BRINP3: variants seen among roughly 807,000 people sequenced by gnomAD.
The protein encoded by BRINP3 is BMP/retinoic acid inducible neural specific 3.
Under a neutral mutation model 71.0 loss-of-function variants are expected in BRINP3, and 19 were observed. That is an observed-to-expected ratio of 0.27 (90% CI 0.19 to 0.39). The LOEUF (loss-of-function observed/expected upper bound fraction) is 0.39. Among genes scored for constraint, BRINP3 ranks in the 10% least tolerant of loss-of-function variants. The pLI is 1.00. For synonymous variants in BRINP3, 380 were observed against 337.7 expected, an observed-to-expected ratio of 1.13 and a Z score of -1.37; for missense variants, 959 against 940.8, an observed-to-expected ratio of 1.02 and a Z score of -0.25.
At chr1:190,397,693 T>C (rs1571947589) in intron 2 of BRINP3, among the ~76,000 whole-genome samples, 1 of 152,148 alleles carries the variant, frequency 6.6e-6, no homozygotes, top group South Asian at 2.1e-4. Context: ...AATATCCTTT[T>C]GGAGTTTGAA....
chr1:190,253,142 G>A (rs1380503006), intron 4 of BRINP3, among the ~76,000 whole-genome samples: 3 of 152,114 alleles, frequency 2.0e-5, no homozygotes, highest in African/African-American at 7.2e-5. Context: ...ATTCCATGGT[G>A]TATATGTGCC....
chr1:190,285,937 A>C (rs1340450810), intron 2 of BRINP3, among the ~76,000 whole-genome samples: 1 of 152,146 alleles, frequency 6.6e-6, no homozygotes, highest in Non-Finnish European at 1.5e-5. Flanking sequence ...TGTTGTATCT[A>C]ACTAAGTGTT....
At chr1:190,266,458 G>A (rs1456780307) in intron 3 of BRINP3, among the ~76,000 whole-genome samples, 2 of 152,022 alleles carry the variant, frequency 1.3e-5, no homozygotes, top group African/African-American at 4.8e-5. Context: ...ATCAGTTAGA[G>A]GAAGGAGAAT....
At chr1:190,393,237 A>T (rs1671362976) in intron 2 of BRINP3, among the ~76,000 whole-genome samples, 1 of 151,670 alleles carries the variant, frequency 6.6e-6, no homozygotes. Flanking sequence ...TCATGTACAT[A>T]GTGTCAGACA....
rs191817031 is a variant in BRINP3 at position 190,186,091 on chromosome 1, A to T, written c.962-25201T>A. On this transcript the variant is annotated intron_variant, in intron 6 of 7. Coordinates refer to ENST00000367462, the MANE Select transcript of BRINP3 (RefSeq NM_199051.3). The stretch of plus-strand genomic sequence containing the variant: ...ATATATATATTTTTTAAATTAAAGT[A>T]AAGGCTGGTCACGGTGGCTGAAGCC... Among the ~76,000 whole-genome samples the T allele has an allele frequency of 3.3e-5, 5 of 152,244 alleles. No homozygotes were observed. The East Asian group carries it at 9.7e-4, about 29-fold the overall frequency.
At chr1:190,258,130 G>A (rs965793130) in intron 4 of BRINP3, among the ~76,000 whole-genome samples, 2 of 152,224 alleles carry the variant, frequency 1.3e-5, no homozygotes, top group Non-Finnish European at 2.9e-5. Context: ...TGAACTGTGG[G>A]GGGCTCTGCC....
intron 6 of BRINP3, among the ~76,000 whole-genome samples, chr1:190,176,338 A>T (rs1001851273): frequency 2.0e-5 from 3 of 152,150 alleles, no homozygotes; most frequent in African/African-American, 7.2e-5. Context: ...CTGCAAGTTG[A>T]TTAGAATACA....
chr1:190,291,333 C>T (rs147423348), intron 2 of BRINP3, among the ~76,000 whole-genome samples: 2 of 152,022 alleles, frequency 1.3e-5, no homozygotes, highest in East Asian at 1.9e-4. Flanking sequence ...TATATAGATG[C>T]ATTGGATTAC....
At chr1:190,200,765 T>C (rs1289642287) in intron 6 of BRINP3, among the ~76,000 whole-genome samples, 3 of 152,098 alleles carry the variant, frequency 2.0e-5, no homozygotes, top group Non-Finnish European at 4.4e-5. Context: ...TCATGAGATA[T>C]CATGGTTATA....
intron 6 of BRINP3, among the ~76,000 whole-genome samples, chr1:190,221,890 C>A (rs114655837): frequency 6.6e-6 from 1 of 152,034 alleles, no homozygotes; most frequent in Non-Finnish European, 1.5e-5. Context: ...TTATGCCCAA[C>A]AACAGAGTTT....
At chr1:190,235,296 G>T (rs1449389535) in intron 4 of BRINP3, among the ~76,000 whole-genome samples, 1 of 151,978 alleles carries the variant, frequency 6.6e-6, no homozygotes, top group Non-Finnish European at 1.5e-5. Context: ...GATAGTATTA[G>T]GAGATGAGGA....
At chr1:190,404,600 A>C (rs1278963832) in intron 2 of BRINP3, among the ~76,000 whole-genome samples, 1 of 152,156 alleles carries the variant, frequency 6.6e-6, no homozygotes, top group African/African-American at 2.4e-5. Context: ...TCATTACCTT[A>C]CATTTGCAAA....
At chr1:190,413,047 G>A (rs889198250) in intron 2 of BRINP3, among the ~76,000 whole-genome samples, 4 of 152,144 alleles carry the variant, frequency 2.6e-5, no homozygotes, top group Non-Finnish European at 5.9e-5. Flanking sequence ...ACCGCTGAAT[G>A]TGCAGTAATA....
At chr1:190,175,471 A>G (rs2102513647) in intron 6 of BRINP3, among the ~76,000 whole-genome samples, 1 of 152,232 alleles carries the variant, frequency 6.6e-6, no homozygotes, top group Admixed American at 6.5e-5. Flanking sequence ...ATATTACTTA[A>G]CTCATCCTAA....
chr1:190,396,943 A>G (rs1671617663), intron 2 of BRINP3, among the ~76,000 whole-genome samples: 1 of 151,546 alleles, frequency 6.6e-6, no homozygotes, highest in Non-Finnish European at 1.5e-5. Context: ...ATAAAGCTTC[A>G]CATTTCTCCA....
intron 1 of BRINP3, among the ~76,000 whole-genome samples, chr1:190,473,565 G>A (rs1273086672): frequency 8.0e-6 from 1 of 124,822 alleles, no homozygotes. Flanking sequence ...TTGCTTCACT[G>A]TGTGGAAAGT....
intron 7 of BRINP3, among the ~76,000 whole-genome samples, chr1:190,144,263 T>C (rs1429797495): frequency 6.6e-6 from 1 of 152,104 alleles, no homozygotes; most frequent in Non-Finnish European, 1.5e-5. Context: ...TATAAAATAA[T>C]ACAATGGCAT....
At chr1:190,424,581 A>T (rs188225373) in intron 2 of BRINP3, among the ~76,000 whole-genome samples, 125 of 151,810 alleles carry the variant, frequency 8.2e-4, no homozygotes, top group African/African-American at 3.0e-3. Context: ...CCCAGTAAGA[A>T]ATGTCTTATA....
At chr1:190,115,529 CA>C (rs1265376703) in intron 7 of BRINP3, among the ~76,000 whole-genome samples, 1 of 152,066 alleles carries the variant, frequency 6.6e-6, no homozygotes, top group Non-Finnish European at 1.5e-5. Context: ...TTCTACGTCC[CA>C]GGTTTTCTAC....
Sources: gnomAD v4.1 joint callset for allele counts (sites outside exome capture counted in the v4.1 genomes callset) on GRCh38, gnomAD v4.1.1 for gene constraint, MANE v1.5 for transcripts, NCBI Gene and HGNC (gene_info 2026-07-23, HGNC 2026-07-21) for gene names.